The following RPAP3 variants were observed in gnomAD, a reference collection of about 807,000 sequenced individuals.
RPAP3 encodes RNA polymerase II-associated protein 3.
RPAP3 carries 58 observed loss-of-function variants against 88.8 expected under a neutral mutation model. The ratio of observed to expected loss-of-function variants is 0.65; its 90% CI spans 0.53 to 0.81. The LOEUF is 0.81. Ranked by LOEUF, RPAP3 falls within the 40% of genes least tolerant of loss-of-function variation. The probability of loss-of-function intolerance (pLI) is 0.00; values close to 1 mark genes in which losing one functional copy is unlikely to be tolerated. For missense variants in RPAP3, 751 were observed against 764.3 expected (o/e 0.98, Z 0.20); for synonymous variants, 255 against 259.9 (o/e 0.98, Z 0.18).
chr12:47,684,640 C>T (rs571917776), intron 9 of RPAP3, among the ~76,000 whole-genome samples: 5 of 152,080 alleles, frequency 3.3e-5, no homozygotes, highest in East Asian at 1.9e-4. Context: ...TCCACTAATA[C>T]GATTATAAAC....
At position 47,670,196 on chromosome 12, in the gene RPAP3, ATTC is replaced by A; in HGVS notation, c.1434_1436del (p.Lys478del). 1.2e-6 allele frequency: 2 copies of A among 1,613,976 alleles called. No homozygotes were observed. Among genetic ancestry groups the A allele is most frequent in the Non-Finnish European group, 1.7e-6 (2 of 1,179,928 alleles). ...TGGGAAAAAGGTCATCTTGGCTTGA[ATTC>A]TTCTTACTTGTGGTGCCTGTGGCTG... On this transcript the variant is annotated inframe_deletion, in exon 13 of 17. Transcript: ENST00000005386.
At chr12:47,681,206 CCTTT>C (rs1395972584) in intron 10 of RPAP3, among the ~76,000 whole-genome samples, 1 of 152,154 alleles carries the variant, frequency 6.6e-6, no homozygotes, top group East Asian at 1.9e-4. Flanking sequence ...CTCCCTAAAC[CCTTT>C]CTAATAAAAT....
intron 9 of RPAP3, among the ~76,000 whole-genome samples, chr12:47,686,004 T>C (rs1322922599): frequency 6.6e-6 from 1 of 152,258 alleles, no homozygotes; most frequent in Non-Finnish European, 1.5e-5. Flanking sequence ...TTTGTAATCC[T>C]AGTTGTACAG....
At chr12:47,666,655 G>A (rs1467441355) in intron 16 of RPAP3, among the ~76,000 whole-genome samples, 1 of 152,110 alleles carries the variant, frequency 6.6e-6, no homozygotes. Context: ...GACTGCCTGG[G>A]TTCGAATCCT....
In RPAP3 at chr12:47,697,674, A is replaced by C; in HGVS notation, c.340T>G (p.Ser114Ala). 9.3e-6 allele frequency: 15 copies of C among 1,608,664 alleles called. No homozygotes were observed. The highest frequency in any genetic ancestry group is 1.3e-5 in the Non-Finnish European group (15 of 1,176,854). ...ELDKDDSTHE[S>A]LSQESESEED... ...TCCGACTCTGATTCTTGAGACAGAG[A>C]CTCATGGGTACTATCGTCTTTGTCA... Residue 114 changes from serine to alanine, a missense_variant, in exon 4 of 17, where the codon TCT becomes GCT. Transcript: ENST00000005386.
chr12:47,688,922 G>A (rs1939375774), intron 7 of RPAP3, among the ~76,000 whole-genome samples: 1 of 152,086 alleles, frequency 6.6e-6, no homozygotes, highest in South Asian at 2.1e-4. Flanking sequence ...AAGATCTCAG[G>A]CAACTTCTAG....
chr12:47,681,023 G>C (rs980777488), intron 10 of RPAP3, among the ~76,000 whole-genome samples: 1 of 151,138 alleles, frequency 6.6e-6, no homozygotes, highest in Non-Finnish European at 1.5e-5. Context: ...TGGCCAAGTG[G>C]AGTTTGCACA....
intron 3 of RPAP3, chr12:47,701,083 C>G (rs1592488735): frequency 6.5e-6 from 1 of 154,602 alleles, no homozygotes; most frequent in East Asian, 1.9e-4. Flanking sequence ...GAACCATACA[C>G]ACACTGTACC....
Position 47,670,252 on chromosome 12 carries a change from T to C in RPAP3, c.1381A>G (p.Asn461Asp). The C allele has an allele frequency of 6.2e-7, 1 of 1,613,654 alleles. No homozygotes were observed. The highest frequency in any genetic ancestry group is 1.1e-5 in the South Asian group (1 of 91,074). Reference sequence around the variant, plus strand: ...ATTACATTTGCTAGATTAATAGGATTATTCTCTGGAGCAGCAGCAGTAGTG... The same window carrying C: ...ATTACATTTGCTAGATTAATAGGATCATTCTCTGGAGCAGCAGCAGTAGTG... ...DSTTAAAPEN[N>D]PINLANVIAA... Residue 461 changes from asparagine to aspartate, a missense_variant, in exon 13 of 17, where the codon AAT (asparagine) becomes GAT (aspartate). Coordinates refer to ENST00000005386, the MANE Select transcript of RPAP3 (RefSeq NM_024604.3).
At chr12:47,669,183 T>G in intron 13 of RPAP3, 81 bp from the exon 14 acceptor site, 1 of 916,252 alleles carries the variant, frequency 1.1e-6, no homozygotes, top group Non-Finnish European at 1.7e-6. Flanking sequence ...TAAAAATTTT[T>G]AAATTTTTGA....
At position 47,663,473 on chromosome 12, in the gene RPAP3, G is replaced by A; in HGVS notation, c.*32C>T. On this transcript the variant is annotated 3_prime_UTR_variant, in exon 17 of 17. Transcript: ENST00000005386. ...CAGTAGAAAAAATTTACATATGAAA[G>A]TCAAAAACAATTATTTCAGCAAAAA... 7.0e-7 allele frequency: 1 copy of A among 1,432,466 alleles called. No individual in the cohort carries two copies. Among genetic ancestry groups the A allele is most frequent in the South Asian group, 1.2e-5 (1 of 80,858 alleles). The allele number at this position is 1,432,466 out of a possible 1,614,324, so 88.7% of individuals were successfully genotyped here.
chr12:47,674,393 ATGACTT>A (rs1294425306), intron 12 of RPAP3, among the ~76,000 whole-genome samples: 1 of 152,240 alleles, frequency 6.6e-6, no homozygotes, highest in Admixed American at 6.5e-5. Flanking sequence ...TGGACGGAGA[ATGACTT>A]TGACAAGTTG....
intron 9 of RPAP3, among the ~76,000 whole-genome samples, chr12:47,686,545 T>TACACACAC (rs59485150): frequency 0.037 from 5,316 of 145,386 alleles, 106 homozygotes; most frequent in African/African-American, 0.054. Flanking sequence ...CACATACACA[T>TACACACAC]ACACACACAC....
rs1475666120 is a variant in RPAP3 at position 47,679,475 on chromosome 12, TG to T, written c.1287+17del. ...ACATATTTAAATGGCAAGGAAAAAA[TG>T]AAAGTGCTTTACTTACAGTTGATCC... On this transcript the variant is annotated intron_variant, in intron 12 of 16. Transcript: ENST00000005386. 2 of 1,499,098 alleles carry T rather than the reference TG, an allele frequency of 1.3e-6. No homozygotes were observed. Among genetic ancestry groups the T allele is most frequent in the Admixed American group, 3.5e-5 (2 of 56,394 alleles). The allele number at this position is 1,499,098 out of a possible 1,614,324, so 92.9% of individuals were successfully genotyped here.
At chr12:47,702,643 A>G (rs1939677826) in intron 2 of RPAP3, 45 bp downstream of exon 2, 1 of 1,432,480 alleles carries the variant, frequency 7.0e-7, no homozygotes, top group East Asian at 2.4e-5. Context: ...CTTTATTTTT[A>G]TAAAATTAGT....
At position 47,663,475 on chromosome 12, in the gene RPAP3, C is replaced by A; in HGVS notation, c.*30G>T. Reference sequence around the variant, plus strand: ...GTAGAAAAAATTTACATATGAAAGTCAAAAACAATTATTTCAGCAAAAATG... The same window carrying A: ...GTAGAAAAAATTTACATATGAAAGTAAAAAACAATTATTTCAGCAAAAATG... On this transcript the variant is annotated 3_prime_UTR_variant, in exon 17 of 17. Coordinates refer to ENST00000005386, the MANE Select transcript of RPAP3 (RefSeq NM_024604.3). 3 of 1,457,696 alleles carry A rather than the reference C, an allele frequency of 2.1e-6. No homozygotes were observed. The highest frequency in any genetic ancestry group is 2.5e-5 in the South Asian group (2 of 81,200). The allele number at this position is 1,457,696 out of a possible 1,614,324, so 90.3% of individuals were successfully genotyped here.
rs1939379338 is a variant in RPAP3, at chr12:47,689,116, A to G, written c.738+9T>C. 6 of 1,292,998 alleles carry G rather than the reference A, an allele frequency of 4.6e-6. No homozygotes were observed. Among genetic ancestry groups the G allele is most frequent in the Non-Finnish European group, 6.6e-6 (6 of 903,708 alleles). The allele number at this position is 1,292,998 out of a possible 1,614,324, so 80.1% of individuals were successfully genotyped here. On this transcript the variant is annotated intron_variant, in intron 7 of 16. Transcript: ENST00000005386. ...CATAATACACTTAATTTAAATAACT[A>G]TAGTTTACCTGACTGATTTTCCTGA...
chr12:47,681,572 T>C, intron 10 of RPAP3, 124 bp downstream of exon 10: 1 of 973,268 alleles, frequency 1.0e-6, no homozygotes, highest in Non-Finnish European at 1.5e-6. Flanking sequence ...ATCTAAACTG[T>C]GGAAAGAAAA....
At chr12:47,690,756 T>G in intron 5 of RPAP3, 117 bp from the exon 6 acceptor site, 1 of 605,570 alleles carries the variant, frequency 1.7e-6, no homozygotes, top group South Asian at 3.6e-5. Flanking sequence ...ACTGAAGGCA[T>G]TTTTCCCACC....
Sources: gnomAD v4.1 joint callset for allele counts (sites outside exome capture counted in the v4.1 genomes callset) on GRCh38, gnomAD v4.1.1 for gene constraint, MANE v1.5 for transcripts, NCBI Gene and HGNC (gene_info 2026-07-23, HGNC 2026-07-21) for gene names.